MTA3: variants seen among roughly 807,000 people sequenced by gnomAD.
The protein encoded by MTA3 is metastasis associated 1 family member 3.
In MTA3, 34 loss-of-function variants were observed where a neutral mutation model predicts 83.5. The ratio of observed to expected loss-of-function variants is 0.41; its 90% CI spans 0.31 to 0.54. MTA3 has a LOEUF of 0.54. Ranked by LOEUF, MTA3 falls within the 20% of genes least tolerant of loss-of-function variation. The pLI is 0.33. For synonymous variants in MTA3, 303 were observed against 252.7 expected (o/e 1.20, Z -1.89); for missense variants, 761 against 726.4 (o/e 1.05, Z -0.55).
At chr2:42,647,651 G>T (rs976007788) in intron 6 of MTA3, among the ~76,000 whole-genome samples, 1 of 151,912 alleles carries the variant, frequency 6.6e-6, no homozygotes, top group South Asian at 2.1e-4. Context: ...TAACTTGGTA[G>T]TTTTCTTTGT....
At chr2:42,605,699 T>G (rs1161708001) in intron 3 of MTA3, among the ~76,000 whole-genome samples, 46 of 126,642 alleles carry the variant, frequency 3.6e-4, no homozygotes, top group African/African-American at 1.3e-3. Flanking sequence ...ATGGGGCGGC[T>G]GGCCGGGCGG....
At chr2:42,612,222 T>C (rs1310608584) in intron 4 of MTA3, among the ~76,000 whole-genome samples, 4 of 152,196 alleles carry the variant, frequency 2.6e-5, no homozygotes, top group Non-Finnish European at 5.9e-5. Flanking sequence ...ATGCACTTTT[T>C]ATCGATTGAC....
intron 4 of MTA3, among the ~76,000 whole-genome samples, chr2:42,632,905 A>G (rs969680153): frequency 6.6e-6 from 1 of 151,960 alleles, no homozygotes; most frequent in Non-Finnish European, 1.5e-5. Flanking sequence ...CTATTCAAAG[A>G]TCTATCTTTG....
chr2:42,683,886 G>T (rs572300662), intron 9 of MTA3, among the ~76,000 whole-genome samples: 1 of 152,274 alleles, frequency 6.6e-6, no homozygotes, highest in African/African-American at 2.4e-5. Flanking sequence ...TGACCTGGGG[G>T]TTGGGGACCC....
chr2:42,709,151 T>C (rs771674333), intron 14 of MTA3, 55 bp downstream of exon 14: 40 of 1,515,048 alleles, frequency 2.6e-5, no homozygotes, highest in Non-Finnish European at 3.3e-5. Context: ...CCATTTTCTC[T>C]TTTCCTCTCT....
chr2:42,533,595 A>T (rs1444108067), intron 2 of MTA3, among the ~76,000 whole-genome samples: 1 of 137,150 alleles, frequency 7.3e-6, no homozygotes, highest in Middle Eastern at 4.1e-3. Flanking sequence ...GCACTTTGGG[A>T]GGCCGAGGTG....
At chr2:42,741,796 C>T (rs6756140) in intron 16 of MTA3, among the ~76,000 whole-genome samples, 101,627 of 151,952 alleles carry the variant, frequency 0.67, 34,288 homozygotes, top group East Asian at 0.79. Context: ...CAAAGATCAC[C>T]AATTACAGAT....
At chr2:42,747,592 C>T (rs1010442603) in intron 16 of MTA3, among the ~76,000 whole-genome samples, 3 of 151,450 alleles carry the variant, frequency 2.0e-5, no homozygotes, top group South Asian at 4.2e-4. Context: ...GTATAACAAG[C>T]GCAATGGAAG....
At chr2:42,536,157 G>A (rs1015810758) in intron 2 of MTA3, among the ~76,000 whole-genome samples, 12 of 149,734 alleles carry the variant, frequency 8.0e-5, no homozygotes, top group Non-Finnish European at 1.5e-4. Context: ...ACCCCACAAC[G>A]GTCTCCCCCG....
At chr2:42,504,866 TATAATC>T (rs1379316276) in intron 2 of MTA3, among the ~76,000 whole-genome samples, 1 of 152,102 alleles carries the variant, frequency 6.6e-6, no homozygotes, top group Non-Finnish European at 1.5e-5. Flanking sequence ...AAGCTCACTG[TATAATC>T]ATTAACAGGT....
intron 15 of MTA3, among the ~76,000 whole-genome samples, chr2:42,720,863 G>T (rs988215923): frequency 6.9e-6 from 1 of 143,904 alleles, no homozygotes; most frequent in Non-Finnish European, 1.5e-5. Flanking sequence ...TGGGAGGATT[G>T]ACCGCTTGAG....
chr2:42,595,236 A>T (rs1261375086), intron 3 of MTA3, among the ~76,000 whole-genome samples: 1 of 145,254 alleles, frequency 6.9e-6, no homozygotes, highest in Non-Finnish European at 1.5e-5. Flanking sequence ...CAGCCTCCCG[A>T]GTAGCTGGGA....
At chr2:42,577,105 A>T (rs866438966) in intron 2 of MTA3, among the ~76,000 whole-genome samples, 36 of 86,914 alleles carry the variant, frequency 4.1e-4, no homozygotes, top group African/African-American at 1.6e-3. Flanking sequence ...AAAAAAAAAA[A>T]ATATATATAT....
intron 2 of MTA3, among the ~76,000 whole-genome samples, chr2:42,529,868 G>C (rs1394639536): frequency 6.6e-6 from 1 of 152,144 alleles, no homozygotes; most frequent in Non-Finnish European, 1.5e-5. Context: ...CAGATGAGTC[G>C]GTCAGAGAGG....
Position 42,753,611 on chromosome 2 carries a change from T to G in MTA3, c.*212T>G. Reference sequence around the variant, plus strand: ...CACGTGTGGATCAGCAGCACCTCGCTTTCTTGTCAGAGACCTCGCTGTTAC... The same window carrying G: ...CACGTGTGGATCAGCAGCACCTCGCGTTCTTGTCAGAGACCTCGCTGTTAC... On this transcript the variant is annotated 3_prime_UTR_variant, in exon 17 of 17. Coordinates refer to ENST00000405094, the MANE Select transcript of MTA3 (RefSeq NM_001330442.2). The G allele has an allele frequency of 2.9e-6, 4 of 1,372,482 alleles. No homozygotes were observed. The highest frequency in any genetic ancestry group is 3.8e-6 in the Non-Finnish European group (4 of 1,062,404). 85.0% of individuals were successfully genotyped at this position (1,372,482 alleles called of 1,614,324 possible).
At chr2:42,515,143 C>G (rs775905343) in intron 2 of MTA3, among the ~76,000 whole-genome samples, 20 of 152,126 alleles carry the variant, frequency 1.3e-4, no homozygotes, top group Non-Finnish European at 2.5e-4. Context: ...ACTGCCAGCT[C>G]TGCCTCCCGG....
At position 42,598,961 on chromosome 2, in the gene MTA3, A is replaced by G. The variant is rs1682198124; in HGVS notation, c.191-10497A>G. ...TTTCAGTTGTCCCTTCCAGCCAGGA[A>G]GTTGGAAAATGGTCATCTGAAGCCT... On this transcript the variant is annotated intron_variant, in intron 3 of 16. Coordinates refer to ENST00000405094, the MANE Select transcript of MTA3 (RefSeq NM_001330442.2). Among the ~76,000 whole-genome samples the G allele has an allele frequency of 1.1e-4, 16 of 152,280 alleles. 1 individual carries two copies. The South Asian group carries it at 3.3e-3, about 32-fold the overall frequency.
intron 16 of MTA3, among the ~76,000 whole-genome samples, chr2:42,749,295 C>T (rs1222973603): frequency 1.3e-5 from 2 of 152,136 alleles, no homozygotes; most frequent in African/African-American, 4.8e-5. Flanking sequence ...GAGCTATATT[C>T]ATCTCATACT....
At chr2:42,748,487 T>C (rs1669617204) in intron 16 of MTA3, among the ~76,000 whole-genome samples, 1 of 152,342 alleles carries the variant, frequency 6.6e-6, no homozygotes, top group Admixed American at 6.5e-5. Flanking sequence ...AAATCTACTA[T>C]TAGTCCCATC....
Sources: gnomAD v4.1 joint callset for allele counts (sites outside exome capture counted in the v4.1 genomes callset) on GRCh38, gnomAD v4.1.1 for gene constraint, MANE v1.5 for transcripts, NCBI Gene and HGNC (gene_info 2026-07-23, HGNC 2026-07-21) for gene names.